ABLIM2: variants seen among roughly 807,000 people sequenced by gnomAD.
ABLIM2 encodes actin binding LIM protein family member 2.
A neutral mutation model predicts 97.7 loss-of-function variants in ABLIM2; 53 were observed. That is an observed-to-expected ratio of 0.54 (90% confidence interval 0.44 to 0.68). The LOEUF is 0.68. ABLIM2 is among the 30% of genes least tolerant of loss of function. The pLI, the probability that ABLIM2 is intolerant of heterozygous loss-of-function variation, is 0.00. For synonymous variants in ABLIM2, 361 were observed against 345.8 expected, an observed-to-expected ratio of 1.04 and a Z score of -0.49; for missense variants, 835 against 867.2, an observed-to-expected ratio of 0.96 and a Z score of 0.47.
At chr4:8,135,591 C>T (rs1025113523) in intron 1 of ABLIM2, among the ~76,000 whole-genome samples, 11 of 152,368 alleles carry the variant, frequency 7.2e-5, no homozygotes, top group Admixed American at 3.9e-4. Context: ...TTTCCAGACA[C>T]TGCATCTGCT....
chr4:8,106,742 C>A, intron 1 of ABLIM2, 105 bp from the exon 2 acceptor site: 1 of 1,390,056 alleles, frequency 7.2e-7, no homozygotes, highest in East Asian at 2.5e-5. Flanking sequence ...CCAGCGGGCC[C>A]CGCACCCACC....
rs545299884 is a variant in ABLIM2, at chr4:8,040,147, G to A, written c.901-3852C>T. ...TCTCTTCCTCACGGTGAAGGAAGGG[G>A]ATGCTGCATTTGACAACCACCCACA... On this transcript the variant is annotated intron_variant, in intron 9 of 20. Transcript: ENST00000447017. Among the ~76,000 whole-genome samples the A allele has an allele frequency of 6.6e-5, 10 of 152,276 alleles. No individual in the cohort carries two copies. In the East Asian group the frequency reaches 1.9e-3, roughly 29 times the overall value.
At chr4:8,042,345 C>T (rs1190670408) in intron 9 of ABLIM2, among the ~76,000 whole-genome samples, 6 of 152,170 alleles carry the variant, frequency 3.9e-5, no homozygotes, top group East Asian at 1.9e-4. Context: ...GGCCATGGAG[C>T]CATTCTCTGA....
Position 8,140,615 on chromosome 4 carries a change from C to T in ABLIM2, c.10+18065G>A, listed in dbSNP as rs1000639833. The stretch of plus-strand genomic sequence containing the variant: ...ATTCTGTCTGTGATACCGTTACTCC[C>T]ATGGCCACTGCTACTGATGATGGAA... On this transcript the variant is annotated intron_variant, in intron 1 of 20. Coordinates refer to ENST00000447017, the MANE Select transcript of ABLIM2 (RefSeq NM_001130083.2). This position sits in a 1 kb window ranked among gnomAD's most constrained non-coding sequence, Gnocchi z 5.9. Among the ~76,000 whole-genome samples the T allele has an allele frequency of 3.3e-5, 5 of 152,136 alleles. No individual in the cohort carries two copies. Among genetic ancestry groups the T allele is most frequent in the African/African-American group, 1.2e-4 (5 of 41,422 alleles).
chr4:8,015,045 C>T lies in ABLIM2; in HGVS notation c.1423+4573G>A, dbSNP rs547238475. Among the ~76,000 whole-genome samples, 3 of 152,172 alleles carry T rather than the reference C, an allele frequency of 2.0e-5. No homozygotes were observed. The highest frequency in any genetic ancestry group is 2.1e-4 in the South Asian group (1 of 4,816). On this transcript the variant is annotated intron_variant, in intron 14 of 20. Coordinates refer to ENST00000447017, the MANE Select transcript of ABLIM2 (RefSeq NM_001130083.2). This position sits in a 1 kb window ranked among gnomAD's most constrained non-coding sequence, Gnocchi z 4.6. ...AAGCAATTCTCGTACTTCAGCCTCC[C>T]GAGTAGCTGGGATTACAGGCGCCGG...
intron 17 of ABLIM2, among the ~76,000 whole-genome samples, chr4:7,985,522 G>A (rs923490439): frequency 1.3e-5 from 2 of 152,158 alleles, no homozygotes; most frequent in African/African-American, 4.8e-5. Context: ...GTGCGTGCGA[G>A]TCAAAGTCCA....
chr4:7,998,700 G>A lies in ABLIM2; in HGVS notation c.1619-5773C>T, dbSNP rs1297733966. ...GGGAGGCTGGGAGTCTGCAGGTCTG[G>A]GCCACCTCCTGCCACTGCATGGGAG... On this transcript the variant is annotated intron_variant, in intron 16 of 20. Coordinates refer to ENST00000447017, the MANE Select transcript of ABLIM2 (RefSeq NM_001130083.2). The surrounding 1 kb of genome is among the most constrained non-coding windows in gnomAD (Gnocchi z 6.4). 1 of 503,778 alleles carries A rather than the reference G, an allele frequency of 2.0e-6. No individual in the cohort carries two copies. Among genetic ancestry groups the A allele is most frequent in the Admixed American group, 2.0e-5 (1 of 49,800 alleles). 31.2% of individuals were successfully genotyped at this position (503,778 alleles called of 1,614,324 possible).
rs1723326030 is a variant in ABLIM2, at chr4:7,966,972, G to A, written c.*18C>T. ...GCCTCGGCGCCCGGCACACACCAGT[G>A]GGGCAGGCTGGCAGCCGTCAGAACA... On this transcript the variant is annotated 3_prime_UTR_variant, in exon 21 of 21. Transcript: ENST00000447017. 1 of 1,576,744 alleles carries A rather than the reference G, an allele frequency of 6.3e-7. No homozygotes were observed. Among genetic ancestry groups the A allele is most frequent in the Non-Finnish European group, 8.7e-7 (1 of 1,155,128 alleles).
chr4:8,127,819 C>G lies in ABLIM2; in HGVS notation c.11-21182G>C. 5.9e-6 allele frequency: 4 copies of G among 683,182 alleles called. No homozygotes were observed. Among genetic ancestry groups the G allele is most frequent in the Non-Finnish European group, 7.2e-6 (4 of 553,898 alleles). The allele number at this position is 683,182 out of a possible 1,614,324, so 42.3% of individuals were successfully genotyped here. On this transcript the variant is annotated intron_variant, in intron 1 of 20. Transcript: ENST00000447017. The surrounding 1 kb of genome is among the most constrained non-coding windows in gnomAD (Gnocchi z 7.3). ...AGAGACACACCTGTCTCCCAGGCAT[C>G]CGGGAAAGGGGCTCTGAAAAGGCAC...
intron 10 of ABLIM2, among the ~76,000 whole-genome samples, chr4:8,030,305 C>A (rs1780097089): frequency 6.6e-6 from 1 of 152,158 alleles, no homozygotes. Flanking sequence ...CAAGCAGGAG[C>A]AGCTGTTTGC....
intron 11 of ABLIM2, among the ~76,000 whole-genome samples, chr4:8,028,144 A>G (rs888064102): frequency 1.3e-5 from 2 of 152,172 alleles, no homozygotes; most frequent in Non-Finnish European, 2.9e-5. Flanking sequence ...GTCGCTTAGC[A>G]TTTGGGGTCT....
In ABLIM2 at chr4:8,032,624, G is replaced by T. The variant is rs1781677013; in HGVS notation, c.1048-2848C>A. The T allele has an allele frequency of 3.1e-6, 5 of 1,612,370 alleles. No homozygotes were observed. The South Asian group carries it at 4.4e-5, about 14-fold the overall frequency. ...AGGCAGCAGCGCCACGGCAAGCGGGGACAGGCGAGAGGGTGGTGGTTACCT... is the reference window on the plus strand; with the variant it reads ...AGGCAGCAGCGCCACGGCAAGCGGGTACAGGCGAGAGGGTGGTGGTTACCT... On this transcript the variant is annotated intron_variant, in intron 10 of 20. Transcript: ENST00000447017. This position sits in a 1 kb window ranked among gnomAD's most constrained non-coding sequence, Gnocchi z 4.3.
intron 6 of ABLIM2, among the ~76,000 whole-genome samples, chr4:8,062,902 C>T (rs775089942): frequency 9.2e-5 from 14 of 152,188 alleles, no homozygotes; most frequent in Non-Finnish European, 1.6e-4. Context: ...CTCACACCTG[C>T]TTAAATCCAG....
intron 9 of ABLIM2, among the ~76,000 whole-genome samples, chr4:8,037,340 GCA>G (rs10670906): frequency 3.2e-4 from 45 of 140,972 alleles, no homozygotes; most frequent in Middle Eastern, 3.8e-3. Flanking sequence ...ACACATGCAG[GCA>G]CACACACACA....
rs1775271177 is a variant in ABLIM2 at position 8,023,425 on chromosome 4, C to T, written c.1268-3122G>A. ...TGAGGGTTTTTGCCTGATGTTTTCT[C>T]ATGGCGATACTGGGCTTATGGGGTT... On this transcript the variant is annotated intron_variant, in intron 12 of 20. Transcript: ENST00000447017. The surrounding 1 kb of genome is among the most constrained non-coding windows in gnomAD (Gnocchi z 5.7). 6.6e-6 allele frequency among the ~76,000 whole-genome samples: 1 copy of T among 152,258 alleles called. No homozygotes were observed. The highest frequency in any genetic ancestry group is 1.5e-5 in the Non-Finnish European group (1 of 68,048).
rs145237055 is a variant in ABLIM2, at chr4:8,130,434, G to T, written c.11-23797C>A. On this transcript the variant is annotated intron_variant, in intron 1 of 20. Coordinates refer to ENST00000447017, the MANE Select transcript of ABLIM2 (RefSeq NM_001130083.2). The surrounding 1 kb of genome is among the most constrained non-coding windows in gnomAD (Gnocchi z 4.2). ...TCCTCTTGGCTCAAGACCAACAACT[G>T]CAGGGGCTATGGCAGGGAGAGTGGA... is the stretch of plus-strand genomic sequence containing the variant. 7.9e-5 allele frequency among the ~76,000 whole-genome samples: 12 copies of T among 152,360 alleles called. No homozygotes were observed. In the East Asian group the frequency reaches 1.7e-3, roughly 22 times the overall value.
At position 8,158,779 on chromosome 4, in the gene ABLIM2, C is replaced by A. The variant is rs1578611719; in HGVS notation, c.-90G>T. 2.1e-5 allele frequency: 25 copies of A among 1,187,640 alleles called. No individual in the cohort carries two copies. The highest frequency in any genetic ancestry group is 2.4e-5 in the Non-Finnish European group (23 of 944,212). The allele number at this position is 1,187,640 out of a possible 1,614,324, so 73.6% of individuals were successfully genotyped here. On this transcript the variant is annotated 5_prime_UTR_variant, in exon 1 of 21. Transcript: ENST00000447017. Reference sequence around the variant, plus strand: ...TGCCGCGCCCGCGCTATCCTCCGCCCGCCCGCCGGCTCCGCGCCCGCTCCT... The same window carrying A: ...TGCCGCGCCCGCGCTATCCTCCGCCAGCCCGCCGGCTCCGCGCCCGCTCCT...
In ABLIM2 at chr4:8,019,726, T is replaced by C. The variant is rs1772175247; in HGVS notation, c.1370-55A>G. The stretch of plus-strand genomic sequence containing the variant: ...GAACAGGAGGGTAAGCAGCAAGTTG[T>C]GATGGTTTCTGTTCTACAGCTTTTT... On this transcript the variant is annotated intron_variant, in intron 13 of 20. Coordinates refer to ENST00000447017, the MANE Select transcript of ABLIM2 (RefSeq NM_001130083.2). This position sits in a 1 kb window ranked among gnomAD's most constrained non-coding sequence, Gnocchi z 4.3. 6.6e-7 allele frequency: 1 copy of C among 1,512,180 alleles called. No individual in the cohort carries two copies. The highest frequency in any genetic ancestry group is 1.7e-5 in the Admixed American group (1 of 58,030). The allele number at this position is 1,512,180 out of a possible 1,614,324, so 93.7% of individuals were successfully genotyped here.
At chr4:8,006,589 C>A (rs1394880497) in intron 16 of ABLIM2, among the ~76,000 whole-genome samples, 1 of 152,234 alleles carries the variant, frequency 6.6e-6, no homozygotes, top group Non-Finnish European at 1.5e-5. Context: ...CTCTCCTCCT[C>A]TAAACACAAC....
Sources: allele counts gnomAD v4.1 joint callset (sites outside exome capture counted in the v4.1 genomes callset), GRCh38; gene constraint gnomAD v4.1.1; non-coding constraint Gnocchi (gnomAD v3.1); transcripts MANE v1.5; gene names NCBI Gene and HGNC (gene_info 2026-07-23, HGNC 2026-07-21).